The following XPO6 variants were observed in gnomAD, a reference collection of about 807,000 sequenced individuals.
The protein encoded by XPO6 is exportin-6.
Under a neutral mutation model 130.0 loss-of-function variants are expected in XPO6, and 3 were observed. That is an observed-to-expected ratio of 0.02 (90% CI 0.01 to 0.06). The LOEUF is 0.06. Among genes scored for constraint, XPO6 ranks in the 10% least tolerant of loss-of-function variants. The pLI, the probability that XPO6 is intolerant of heterozygous loss-of-function variation, is 1.00. For synonymous variants in XPO6, 524 were observed against 548.9 expected (o/e 0.95, Z 0.63); for missense variants, 970 against 1,393.0 (o/e 0.70, Z 4.83).
At chr16:28,139,217 T>C (rs916763435) in intron 9 of XPO6, among the ~76,000 whole-genome samples, 7 of 152,174 alleles carry the variant, frequency 4.6e-5, no homozygotes, top group African/African-American at 1.4e-4. Context: ...GTTCTCTCCC[T>C]CCCTTTCCTC....
chr16:28,160,723 A>C (rs1485607888), intron 6 of XPO6, among the ~76,000 whole-genome samples: 1 of 152,142 alleles, frequency 6.6e-6, no homozygotes, highest in Non-Finnish European at 1.5e-5. Context: ...GGGTTTCAGA[A>C]GTCCTCACTC....
intron 2 of XPO6, among the ~76,000 whole-genome samples, chr16:28,178,119 C>A (rs2043560743): frequency 6.6e-6 from 1 of 152,110 alleles, no homozygotes; most frequent in Admixed American, 6.6e-5. Flanking sequence ...GAAATATAAT[C>A]CAAAAAGGGT....
chr16:28,194,396 C>T, intron 1 of XPO6, among the ~76,000 whole-genome samples: 1 of 152,190 alleles, frequency 6.6e-6, no homozygotes, highest in Non-Finnish European at 1.5e-5. Context: ...AGGCCTCCAT[C>T]TGTGTTCAGG....
At chr16:28,127,719 C>T (rs1269069216) in intron 12 of XPO6, among the ~76,000 whole-genome samples, 1 of 152,174 alleles carries the variant, frequency 6.6e-6, no homozygotes, top group African/African-American at 2.4e-5. Flanking sequence ...ACAGTGCCTG[C>T]GACAGCCCCC....
At chr16:28,182,616 G>A (rs761169309) in intron 1 of XPO6, among the ~76,000 whole-genome samples, 6 of 152,198 alleles carry the variant, frequency 3.9e-5, no homozygotes, top group South Asian at 2.1e-4. Context: ...CTTCCATATC[G>A]GTTTAACTAA....
At chr16:28,146,297 T>C (rs2042981597) in intron 8 of XPO6, 94 bp from the exon 9 acceptor site, 1 of 1,021,802 alleles carries the variant, frequency 9.8e-7, no homozygotes, top group African/African-American at 1.6e-5. Context: ...AGCAGAATGA[T>C]GAAATCATAA....
chr16:28,181,986 G>A (rs2043624145), intron 1 of XPO6, among the ~76,000 whole-genome samples: 1 of 152,038 alleles, frequency 6.6e-6, no homozygotes, highest in African/African-American at 2.4e-5. Flanking sequence ...GAATGACCTT[G>A]AGTTAACACT....
intron 1 of XPO6, among the ~76,000 whole-genome samples, chr16:28,187,395 T>A (rs1326716913): frequency 6.6e-6 from 1 of 152,146 alleles, no homozygotes; most frequent in Non-Finnish European, 1.5e-5. Context: ...CATTTCAGAA[T>A]GGCAAAAGTT....
chr16:28,114,339 AAAAAGAG>A (rs2087002895), intron 15 of XPO6, among the ~76,000 whole-genome samples: 2 of 152,208 alleles, frequency 1.3e-5, no homozygotes, highest in Admixed American at 6.5e-5. Context: ...CTTATTACAT[AAAAAGAG>A]AAAAAAGTCT....
chr16:28,160,865 G>A (rs1289592802), intron 6 of XPO6, among the ~76,000 whole-genome samples: 2 of 152,120 alleles, frequency 1.3e-5, no homozygotes, highest in Non-Finnish European at 2.9e-5. Context: ...CATCATGTTA[G>A]CATAACATTT....
chr16:28,205,072 G>A (rs942488445), intron 1 of XPO6, among the ~76,000 whole-genome samples: 1 of 151,952 alleles, frequency 6.6e-6, no homozygotes, highest in Non-Finnish European at 1.5e-5. Context: ...TAAAATTAAT[G>A]AGCAAAGGGA....
At chr16:28,108,237 G>A (rs1480549261) in intron 17 of XPO6, among the ~76,000 whole-genome samples, 1 of 152,186 alleles carries the variant, frequency 6.6e-6, no homozygotes, top group African/African-American at 2.4e-5. Flanking sequence ...TATTAGCCCC[G>A]TAGCTTGATA....
chr16:28,106,328 G>T lies in XPO6; in HGVS notation c.2612+55C>A. 1 of 1,607,198 alleles carries T rather than the reference G, an allele frequency of 6.2e-7. No individual in the cohort carries two copies. Among genetic ancestry groups the T allele is most frequent in the South Asian group, 1.1e-5 (1 of 90,880 alleles). ...AGCAAAAAGCCACACTTTGTCGCCA[G>T]ACCCACCACTTCTCCCTTGAATCTG... On this transcript the variant is annotated intron_variant, in intron 19 of 23. Transcript: ENST00000304658. This position sits in a 1 kb window ranked among gnomAD's most constrained non-coding sequence, Gnocchi z 4.2.
intron 14 of XPO6, among the ~76,000 whole-genome samples, chr16:28,118,406 G>A (rs2087128422): frequency 6.6e-6 from 1 of 152,174 alleles, no homozygotes; most frequent in African/African-American, 2.4e-5. Context: ...TGTTGCTCAG[G>A]CTGGCATGCA....
intron 1 of XPO6, among the ~76,000 whole-genome samples, chr16:28,208,766 G>A (rs750971401): frequency 6.6e-4 from 101 of 152,190 alleles, no homozygotes; most frequent in Non-Finnish European, 3.5e-4. Context: ...CTGTCCAAGG[G>A]TCCTAAAGCA....
intron 4 of XPO6, among the ~76,000 whole-genome samples, chr16:28,173,670 T>C (rs1222674567): frequency 6.6e-6 from 1 of 152,186 alleles, no homozygotes; most frequent in Non-Finnish European, 1.5e-5. Flanking sequence ...CTCCTTCTAC[T>C]ACATGGTGTT....
rs372290520 is a variant in XPO6, at chr16:28,098,608, C to T, written c.3308G>A (p.Arg1103Lys). The change falls in exon 24 of 24, where the codon AGG becomes AAG. Residue 1103 changes from arginine (R) to lysine (K), a missense_variant. Physicochemically the swap from Arg to Lys is conservative, Grantham distance 26. Coordinates refer to ENST00000304658, the MANE Select transcript of XPO6 (RefSeq NM_015171.4). ...GTAGTAGCGCAGGTCGTTGACCAGC[C>T]TGTGCACATTCTGGGTGAATGAGGG... ...DLPSFTQNVH[R>K]LVNDLRYYRL... 9 of 1,612,578 alleles carry T rather than the reference C, an allele frequency of 5.6e-6. No individual in the cohort carries two copies. The highest frequency in any genetic ancestry group is 7.6e-6 in the Non-Finnish European group (9 of 1,179,066).
At chr16:28,145,973 T>C in intron 9 of XPO6, 121 bp downstream of exon 9, 2 of 655,664 alleles carry the variant, frequency 3.1e-6, no homozygotes, top group South Asian at 4.8e-5. Context: ...ATGGCATTAT[T>C]GCCTAAACAG....
intron 1 of XPO6, among the ~76,000 whole-genome samples, chr16:28,181,480 T>C (rs1328053239): frequency 6.6e-6 from 1 of 151,486 alleles, no homozygotes; most frequent in Non-Finnish European, 1.5e-5. Context: ...AACAGCTTCA[T>C]GGATTCTCAG....
Sources: allele counts gnomAD v4.1 joint callset (sites outside exome capture counted in the v4.1 genomes callset), GRCh38; gene constraint gnomAD v4.1.1; non-coding constraint Gnocchi (gnomAD v3.1); transcripts MANE v1.5; gene names NCBI Gene and HGNC (gene_info 2026-07-23, HGNC 2026-07-21).